Variants in STK32B observed in about 807,000 individuals in gnomAD.
The protein encoded by STK32B is serine/threonine-protein kinase 32B.
Under a neutral mutation model 52.6 loss-of-function variants are expected in STK32B, and 43 were observed. The ratio of observed to expected loss-of-function variants is 0.82; its 90% CI spans 0.64 to 1.05. STK32B has a LOEUF of 1.05. Among genes scored for constraint, STK32B ranks in the 50% least tolerant of loss-of-function variants. The pLI is 0.00. For missense variants in STK32B, 621 were observed against 534.6 expected (o/e 1.16, Z -1.59); for synonymous variants, 238 against 204.3 (o/e 1.17, Z -1.41).
rs1158092896 is a variant in STK32B at position 5,128,800 on chromosome 4, G to A, written c.53-11105G>A. On this transcript the variant is annotated intron_variant, in intron 1 of 11. Coordinates refer to ENST00000282908, the MANE Select transcript of STK32B (RefSeq NM_018401.3). Reference sequence around the variant, plus strand: ...GCTGAATCTCTCTCTGGCTGCTACCGGCTCAGGATATGAATGTGAATGAGG... The same window carrying A: ...GCTGAATCTCTCTCTGGCTGCTACCAGCTCAGGATATGAATGTGAATGAGG... Among the ~76,000 whole-genome samples, 6 of 152,196 alleles carry A rather than the reference G, an allele frequency of 3.9e-5. No homozygotes were observed. In the East Asian group the frequency reaches 9.6e-4, roughly 24 times the overall value.
intron 3 of STK32B, among the ~76,000 whole-genome samples, chr4:5,286,157 C>G (rs1418075962): frequency 2.6e-5 from 4 of 152,156 alleles, no homozygotes; most frequent in Non-Finnish European, 5.9e-5. Context: ...TTTAAGCCAC[C>G]TGGCTGTGGT....
chr4:5,204,764 G>T (rs746139699), intron 3 of STK32B, among the ~76,000 whole-genome samples: 3 of 151,996 alleles, frequency 2.0e-5, no homozygotes, highest in Non-Finnish European at 4.4e-5. Flanking sequence ...CACTGCTCCC[G>T]GCGTGTCCTG....
At chr4:5,071,636 A>C (rs1483973965) in intron 1 of STK32B, among the ~76,000 whole-genome samples, 2 of 152,202 alleles carry the variant, frequency 1.3e-5, no homozygotes, top group Admixed American at 1.3e-4. Flanking sequence ...GAGTATAATT[A>C]TGCCATCAAT....
chr4:5,156,193 G>T (rs975330172), intron 2 of STK32B, among the ~76,000 whole-genome samples: 2 of 149,942 alleles, frequency 1.3e-5, no homozygotes, highest in African/African-American at 4.9e-5. Flanking sequence ...CCACTGAAGT[G>T]GTCTATATGT....
chr4:5,161,004 G>T (rs997167585), intron 2 of STK32B, among the ~76,000 whole-genome samples: 1 of 152,270 alleles, frequency 6.6e-6, no homozygotes, highest in African/African-American at 2.4e-5. Flanking sequence ...AGTAGGAGGG[G>T]AACTGAGGCC....
At chr4:5,092,096 G>C (rs1013986638) in intron 1 of STK32B, among the ~76,000 whole-genome samples, 1 of 152,186 alleles carries the variant, frequency 6.6e-6, no homozygotes, top group Non-Finnish European at 1.5e-5. Flanking sequence ...GGAGTGAAAC[G>C]TCCTGGAATT....
At chr4:5,074,555 A>G (rs1291916832) in intron 1 of STK32B, among the ~76,000 whole-genome samples, 1 of 151,862 alleles carries the variant, frequency 6.6e-6, no homozygotes, top group Non-Finnish European at 1.5e-5. Context: ...TTACATATCT[A>G]GTATTTTTCT....
intron 3 of STK32B, among the ~76,000 whole-genome samples, chr4:5,276,532 A>AG: frequency 6.6e-6 from 1 of 152,164 alleles, no homozygotes; most frequent in East Asian, 1.9e-4. Context: ...CTCAAACAAA[A>AG]GGGTAGTTAA....
intron 4 of STK32B, among the ~76,000 whole-genome samples, chr4:5,342,585 G>A (rs1414814829): frequency 4.6e-5 from 7 of 152,120 alleles, no homozygotes; most frequent in African/African-American, 1.4e-4. Flanking sequence ...AGGAGATGGT[G>A]CTAAACCATT....
chr4:5,338,966 G>T (rs1386427452), intron 4 of STK32B, among the ~76,000 whole-genome samples: 3 of 152,212 alleles, frequency 2.0e-5, no homozygotes, highest in Non-Finnish European at 4.4e-5. Context: ...TAAGTGAACT[G>T]CATGAAGCAG....
the STK32B span, among the ~76,000 whole-genome samples, chr4:5,040,723 G>A: frequency 2.0e-5 from 3 of 152,078 alleles, no homozygotes; most frequent in African/African-American, 7.2e-5. Flanking sequence ...CTCCTGCCCT[G>A]TAGGCCACAC....
chr4:5,257,061 G>T (rs1048084963), intron 3 of STK32B, among the ~76,000 whole-genome samples: 1 of 150,080 alleles, frequency 6.7e-6, no homozygotes, highest in African/African-American at 2.5e-5. Flanking sequence ...ATGAATATGT[G>T]AGTAAATGAA....
chr4:5,460,151 C>T lies in STK32B; in HGVS notation c.832C>T (p.Gln278Ter). The part of the protein sequence containing the change: ...ESRVSSLHDI[Q>*]SVPYLADMNW... ...CCGCGTGTCCAGCCTTCATGACATA[C>T]AGAGCGTGCCCTACTTGGCCGACAT... Residue 278 changes from glutamine (Q) to a stop codon, truncating the protein, a stop_gained, in exon 9 of 12, where the codon CAG becomes TAG. Coordinates refer to ENST00000282908, the MANE Select transcript of STK32B (RefSeq NM_018401.3). LOFTEE classifies it high-confidence loss of function. The surrounding 1 kb of genome is among the most constrained non-coding windows in gnomAD (Gnocchi z 4.8). The T allele has an allele frequency of 6.2e-7, 1 of 1,614,200 alleles. No individual in the cohort carries two copies. Among genetic ancestry groups the T allele is most frequent in the Non-Finnish European group, 8.5e-7 (1 of 1,180,032 alleles).
At chr4:5,139,731 G>A (rs1353714467) in intron 1 of STK32B, 174 bp from the exon 2 acceptor site, 2 of 630,360 alleles carry the variant, frequency 3.2e-6, no homozygotes, top group Non-Finnish European at 5.6e-6. Context: ...GGGAAAAAAT[G>A]GAATGTGCTG....
chr4:5,222,860 T>C (rs955870464), intron 3 of STK32B, among the ~76,000 whole-genome samples: 1 of 152,170 alleles, frequency 6.6e-6, no homozygotes, highest in Non-Finnish European at 1.5e-5. Context: ...GGTCAAGTGA[T>C]CATTTGATAA....
chr4:5,310,387 T>C (rs1730215211), intron 3 of STK32B, among the ~76,000 whole-genome samples: 1 of 152,162 alleles, frequency 6.6e-6, no homozygotes, highest in Non-Finnish European at 1.5e-5. Flanking sequence ...ATGAACTTAA[T>C]AGACATTTGT....
intron 3 of STK32B, among the ~76,000 whole-genome samples, chr4:5,189,084 T>A (rs1402992091): frequency 2.0e-5 from 3 of 151,954 alleles, no homozygotes; most frequent in South Asian, 4.2e-4. Context: ...ATGCACCTGC[T>A]GCCCCCACCC....
chr4:5,491,005 G>A lies in STK32B; in HGVS notation c.1107-7940G>A, dbSNP rs28369129. 3.5e-3 allele frequency among the ~76,000 whole-genome samples: 537 copies of A among 152,254 alleles called. 8 individuals are homozygous for A. The highest frequency in any genetic ancestry group is 0.012 in the African/African-American group (502 of 41,544). On this transcript the variant is annotated intron_variant, in intron 11 of 11. Transcript: ENST00000282908. ...ACATTTGGGTTGGTTCTAAGTCTTT[G>A]CTATTGTGAATAGTGCCATAATAAA...
chr4:5,306,249 T>C (rs28599472), intron 3 of STK32B, among the ~76,000 whole-genome samples: 11,130 of 152,162 alleles, frequency 0.073, 439 homozygotes, highest in South Asian at 0.098. Context: ...TTAAGTTCAT[T>C]GTTTCTTTGT....
Sources: allele counts gnomAD v4.1 joint callset (sites outside exome capture counted in the v4.1 genomes callset), GRCh38; gene constraint gnomAD v4.1.1; non-coding constraint Gnocchi (gnomAD v3.1); transcripts MANE v1.5; gene names NCBI Gene and HGNC (gene_info 2026-07-23, HGNC 2026-07-21).